Variants in CNKSR2 observed in about 807,000 individuals in gnomAD.
CNKSR2 encodes CNK homolog protein 2.
Under a neutral mutation model 84.4 loss-of-function variants are expected in CNKSR2, and 14 were observed. That is an observed-to-expected ratio of 0.17 (90% confidence interval 0.11 to 0.26). The LOEUF (loss-of-function observed/expected upper bound fraction) is 0.26. Among genes scored for constraint, CNKSR2 ranks in the 10% least tolerant of loss-of-function variants. The pLI is 1.00. For synonymous variants in CNKSR2, 275 were observed against 277.9 expected (o/e 0.99, Z 0.10); for missense variants, 485 against 771.2 (o/e 0.63, Z 4.40).
At chrX:21,378,868 G>A (rs1285623303) in intron 1 of CNKSR2, among the ~76,000 whole-genome samples, 2 of 111,071 alleles carry the variant, frequency 1.8e-5, no homozygotes, top group Non-Finnish European at 3.8e-5. Context: ...AGCCACTTTT[G>A]TATTATTATG....
intron 10 of CNKSR2, among the ~76,000 whole-genome samples, chrX:21,528,945 G>A (rs1262218395): frequency 4.5e-5 from 5 of 110,872 alleles, no homozygotes; most frequent in Admixed American, 9.7e-5. Flanking sequence ...TTTTGCAGTC[G>A]TGATTATTTT....
chrX:21,535,457 G>A (rs2091919172), intron 11 of CNKSR2, among the ~76,000 whole-genome samples: 2 of 111,239 alleles, frequency 1.8e-5, no homozygotes, highest in Admixed American at 1.9e-4. Flanking sequence ...TCTGTAGATT[G>A]CTTTGGGTAG....
At chrX:21,597,993 C>G (rs191991687) in intron 17 of CNKSR2, among the ~76,000 whole-genome samples, 5 of 106,118 alleles carry the variant, frequency 4.7e-5, no homozygotes, top group Admixed American at 2.0e-4. Flanking sequence ...TAATTTTCTT[C>G]TGTAAAATCA....
chrX:21,571,370 T>C (rs965968519), intron 13 of CNKSR2, among the ~76,000 whole-genome samples: 2 of 112,252 alleles, frequency 1.8e-5, no homozygotes, highest in Non-Finnish European at 3.8e-5. Context: ...ACCTTCCATT[T>C]GTAAAAATTG....
chrX:21,601,425 A>T (rs1461585417), intron 18 of CNKSR2, 76 bp downstream of exon 18: 6 of 615,391 alleles, frequency 9.7e-6, no homozygotes, highest in African/African-American at 2.3e-5. Context: ...ATTCATTGCT[A>T]TCACTTGAGA....
chrX:21,583,771 T>A (rs2092368225), intron 13 of CNKSR2, among the ~76,000 whole-genome samples: 1 of 111,916 alleles, frequency 8.9e-6, no homozygotes, highest in Non-Finnish European at 1.9e-5. Context: ...GTGCTTCTGA[T>A]AATTTGAGGA....
Position 21,589,668 on chromosome X carries a change from G to C in CNKSR2, c.1609-904G>C, listed in dbSNP as rs182440695. Among the ~76,000 whole-genome samples the C allele has an allele frequency of 5.4e-5, 6 of 111,703 alleles. No homozygotes were observed. The East Asian group carries it at 1.7e-3, about 32-fold the overall frequency. Reference sequence around the variant, plus strand: ...CAATATAGTTGTGGGTTTTTCTCTAGACATATCAAGCTCTTCAGGTACTTA... The same window carrying C: ...CAATATAGTTGTGGGTTTTTCTCTACACATATCAAGCTCTTCAGGTACTTA... On this transcript the variant is annotated intron_variant, in intron 13 of 21. Transcript: ENST00000379510.
chrX:21,575,609 A>G (rs2092314268), intron 13 of CNKSR2, among the ~76,000 whole-genome samples: 1 of 111,640 alleles, frequency 9.0e-6, no homozygotes, highest in Non-Finnish European at 1.9e-5. Flanking sequence ...AAAATAAGGC[A>G]GACAGGCTAG....
At chrX:21,408,582 C>A (rs1374715327) in intron 1 of CNKSR2, among the ~76,000 whole-genome samples, 3 of 111,144 alleles carry the variant, frequency 2.7e-5, no homozygotes, top group Non-Finnish European at 5.7e-5. Context: ...TTGCCCTTAT[C>A]TAACCTCCCC....
At chrX:21,567,000 C>T (rs1428035044) in intron 13 of CNKSR2, among the ~76,000 whole-genome samples, 1 of 111,603 alleles carries the variant, frequency 9.0e-6, no homozygotes, top group Non-Finnish European at 1.9e-5. Flanking sequence ...GCTGTAGCTA[C>T]CCTAGTCATT....
At chrX:21,613,408 C>T (rs1423035371) in intron 20 of CNKSR2, among the ~76,000 whole-genome samples, 1 of 111,716 alleles carries the variant, frequency 9.0e-6, no homozygotes, top group Admixed American at 9.5e-5. Flanking sequence ...TTGATGCCTT[C>T]ATTTACTCGG....
chrX:21,590,901 G>A, intron 14 of CNKSR2, 121 bp from the exon 15 acceptor site: 1 of 602,304 alleles, frequency 1.7e-6, no homozygotes, highest in Admixed American at 3.3e-5. Flanking sequence ...TATTTTTCTA[G>A]TCTAATACAA....
chrX:21,416,036 G>T (rs1230061272), intron 1 of CNKSR2, among the ~76,000 whole-genome samples: 2 of 110,949 alleles, frequency 1.8e-5, no homozygotes, highest in Non-Finnish European at 3.8e-5. Flanking sequence ...TGAAGGAAAG[G>T]CTTTCAGTTT....
chrX:21,380,443 C>CTTTTTT (rs1213793885), intron 1 of CNKSR2, among the ~76,000 whole-genome samples: 3 of 70,320 alleles, frequency 4.3e-5, no homozygotes, highest in Non-Finnish European at 8.0e-5. Flanking sequence ...TCAATTTGTT[C>CTTTTTT]TTTTTTTTTT....
chrX:21,609,165 A>G lies in CNKSR2; in HGVS notation c.2240A>G (p.Gln747Arg). 8.3e-7 allele frequency: 1 copy of G among 1,211,622 alleles called. No homozygotes were observed. The highest frequency in any genetic ancestry group is 1.7e-5 in the African/African-American group (1 of 57,782). Residue 747 changes from glutamine to arginine, a missense_variant, in exon 20 of 22, where the codon CAG (glutamine) becomes CGG (arginine). Gln to Arg is a conservative substitution (Grantham distance 43). Coordinates refer to ENST00000379510, the MANE Select transcript of CNKSR2 (RefSeq NM_014927.5). Reference protein sequence around the residue: ...QSQSSHEEFRQEVTGSSAVSP... With the variant: ...QSQSSHEEFRREVTGSSAVSP... ...CAGTCTTCTCATGAGGAGTTTCGCC[A>G]GGAAGTAACTGGGAGCAGTGCAGTG...
At chrX:21,462,471 A>G (rs984771400) in intron 4 of CNKSR2, among the ~76,000 whole-genome samples, 10 of 111,224 alleles carry the variant, frequency 9.0e-5, no homozygotes, top group African/African-American at 6.5e-5. Context: ...GATCATTATC[A>G]TCTGCAAGCA....
chrX:21,527,864 A>G (rs1411538389), intron 10 of CNKSR2, among the ~76,000 whole-genome samples: 2 of 110,980 alleles, frequency 1.8e-5, no homozygotes, highest in African/African-American at 6.5e-5. Context: ...TTCATATATA[A>G]AAGAACTAAA....
intron 1 of CNKSR2, among the ~76,000 whole-genome samples, chrX:21,390,047 A>G (rs1199966325): frequency 8.9e-6 from 1 of 112,131 alleles, no homozygotes; most frequent in South Asian, 3.7e-4. Flanking sequence ...ACAATTTGCA[A>G]TTAAACTCTC....
intron 20 of CNKSR2, among the ~76,000 whole-genome samples, chrX:21,634,478 G>C (rs900532548): frequency 9.0e-6 from 1 of 111,562 alleles, no homozygotes; most frequent in Non-Finnish European, 1.9e-5. Context: ...TGTCAGACTG[G>C]TGTGCCAAGG....
Sources: allele counts gnomAD v4.1 joint callset (sites outside exome capture counted in the v4.1 genomes callset), GRCh38; gene constraint gnomAD v4.1.1; transcripts MANE v1.5; gene names NCBI Gene and HGNC (gene_info 2026-07-23, HGNC 2026-07-21).